The following PCK2 variants were observed in gnomAD, a reference collection of about 807,000 sequenced individuals.
PCK2 encodes phosphoenolpyruvate carboxykinase [GTP], mitochondrial.
Under a neutral mutation model 65.9 loss-of-function variants are expected in PCK2, and 56 were observed. The ratio of observed to expected loss-of-function variants is 0.85; its 90% confidence interval spans 0.69 to 1.06. The LOEUF (loss-of-function observed/expected upper bound fraction) is 1.06. PCK2 is among the 50% of genes least tolerant of loss of function. The pLI, the probability that PCK2 is intolerant of heterozygous loss-of-function variation, is 0.00. For missense variants in PCK2, 843 were observed against 863.1 expected (o/e 0.98, Z 0.29); for synonymous variants, 305 against 319.6 (o/e 0.95, Z 0.49).
Position 24,102,797 on chromosome 14 carries a change from C to T in PCK2, c.1279C>T (p.Pro427Ser). Reference protein sequence around the residue: ...CAHPNSRFCAPARQCPIMDPA... With the variant: ...CAHPNSRFCASARQCPIMDPA... ...ACATCCCAACTCTCGATTTTGTGCC[C>T]CGGCTCGCCAGTGCCCCATCATGGA... The change falls in exon 8 of 10, where the codon CCG becomes TCG. Residue 427 changes from proline (P) to serine (S), a missense_variant. By Grantham distance (74) the Pro-to-Ser change is moderately conservative. Transcript: ENST00000216780. The T allele has an allele frequency of 6.2e-7, 1 of 1,613,856 alleles. No individual in the cohort carries two copies. Among genetic ancestry groups the T allele is most frequent in the African/African-American group, 1.3e-5 (1 of 75,032 alleles).
In PCK2 at chr14:24,094,595, G is replaced by A. The variant is rs2036772096; in HGVS notation, c.29+161G>A. 7.6e-6 allele frequency: 11 copies of A among 1,451,898 alleles called. No homozygotes were observed. The South Asian group carries it at 1.3e-4, about 17-fold the overall frequency. The allele number at this position is 1,451,898 out of a possible 1,614,324, so 89.9% of individuals were successfully genotyped here. A position where few individuals can be genotyped will look rare whatever the true frequency, so the allele number is the denominator to read the frequency against. On this transcript the variant is annotated intron_variant, in intron 1 of 9. Transcript: ENST00000216780. The surrounding 1 kb of genome is among the most constrained non-coding windows in gnomAD (Gnocchi z 4.1). ...GTGGGTCCAGCCTCCCGCGCCGCGCGTCTCTTGGGAGGGCAGCCGGCCGGT... is the reference window on the plus strand; with the variant it reads ...GTGGGTCCAGCCTCCCGCGCCGCGCATCTCTTGGGAGGGCAGCCGGCCGGT...
At chr14:24,096,585 G>A (rs1182970646) in intron 1 of PCK2, among the ~76,000 whole-genome samples, 1 of 151,996 alleles carries the variant, frequency 6.6e-6, no homozygotes, top group East Asian at 1.9e-4. Context: ...CATGGGCATG[G>A]GCTACACAGG....
chr14:24,097,940 T>C (rs1012615501), intron 2 of PCK2, among the ~76,000 whole-genome samples: 1 of 152,054 alleles, frequency 6.6e-6, no homozygotes. Flanking sequence ...AAGAAGCTGA[T>C]ATAAATAAGA....
In PCK2 at chr14:24,102,842, G is replaced by A. The variant is rs762854352; in HGVS notation, c.1324G>A (p.Glu442Lys). ...CATGGACCCAGCCTGGGAGGCCCCA[G>A]AGGGTGTCCCCATTGACGCCATCAT... ...PIMDPAWEAPEGVPIDAIIFG... is the reference protein window; with the variant it reads ...PIMDPAWEAPKGVPIDAIIFG... Residue 442 changes from glutamate (E) to lysine (K), a missense_variant, in exon 8 of 10, where the codon GAG becomes AAG. By Grantham distance (56) the Glu-to-Lys change is moderately conservative (BLOSUM62 1). Transcript: ENST00000216780. 1 of 1,613,986 alleles carries A rather than the reference G, an allele frequency of 6.2e-7. No individual in the cohort carries two copies. Among genetic ancestry groups the A allele is most frequent in the South Asian group, 1.1e-5 (1 of 91,072 alleles).
At chr14:24,096,745 C>T (rs1221930868) in intron 1 of PCK2, 147 bp from the exon 2 acceptor site, 1 of 714,716 alleles carries the variant, frequency 1.4e-6, no homozygotes, top group Admixed American at 2.1e-5. Flanking sequence ...TGAACACATC[C>T]CACACACCAA....
intron 7 of PCK2, 60 bp downstream of exon 7, chr14:24,100,273 A>G: frequency 1.3e-6 from 2 of 1,590,944 alleles, no homozygotes; most frequent in African/African-American, 1.4e-5. Context: ...AATGGTGGAA[A>G]AGCTTTCTCC....
chr14:24,102,637 G>A, intron 7 of PCK2, 116 bp from the exon 8 acceptor site: 2 of 829,276 alleles, frequency 2.4e-6, no homozygotes, highest in South Asian at 3.4e-5. Flanking sequence ...CAAGGTTCTA[G>A]GCAGCTGATG....
chr14:24,094,876 GCC>G lies in PCK2; in HGVS notation c.29+446_29+447del. 2 of 1,281,984 alleles carry G rather than the reference GCC, an allele frequency of 1.6e-6. No individual in the cohort carries two copies. Among genetic ancestry groups the G allele is most frequent in the Non-Finnish European group, 2.0e-6 (2 of 979,674 alleles). 79.4% of individuals were successfully genotyped at this position (1,281,984 alleles called of 1,614,324 possible). A position where few individuals can be genotyped will look rare whatever the true frequency, so the allele number is the denominator to read the frequency against. On this transcript the variant is annotated intron_variant, in intron 1 of 9. Transcript: ENST00000216780. The surrounding 1 kb of genome is among the most constrained non-coding windows in gnomAD (Gnocchi z 4.1). ...TGAGCCCCGGGAGACTAAGCTCAGA[GCC>G]CCCTAAAGAAGGTGGAAGGTTAAAT...
intron 1 of PCK2, among the ~76,000 whole-genome samples, 179 bp from the exon 2 acceptor site, chr14:24,096,713 A>G (rs2036900876): frequency 6.6e-6 from 1 of 152,120 alleles, no homozygotes; most frequent in African/African-American, 2.4e-5. Flanking sequence ...AGCCTCATAA[A>G]GGCTACAAGA....
At position 24,098,500 on chromosome 14, in the gene PCK2, C is replaced by T. The variant is rs1301906339; in HGVS notation, c.486C>T (p.Phe162=). ...MQGRTMYVLP[F]SMGPVGSPLS... is the part of the protein sequence containing the mutation. ...GCCGCACCATGTATGTGCTTCCATTCAGCATGGGTCCTGTGGGCTCCCCGC... is the reference window on the plus strand; with the variant it reads ...GCCGCACCATGTATGTGCTTCCATTTAGCATGGGTCCTGTGGGCTCCCCGC... The change falls in exon 4 of 10, where the codon TTC becomes TTT. Residue 162 remains phenylalanine (F), a synonymous_variant. Coordinates refer to ENST00000216780, the MANE Select transcript of PCK2 (RefSeq NM_004563.4). 2.5e-6 allele frequency: 4 copies of T among 1,614,138 alleles called. No individual in the cohort carries two copies. In the South Asian group the frequency reaches 3.3e-5, roughly 13 times the overall value.
intron 7 of PCK2, 66 bp from the exon 8 acceptor site, chr14:24,102,687 C>T (rs901053875): frequency 2.2e-6 from 3 of 1,363,740 alleles, no homozygotes; most frequent in Non-Finnish European, 1.0e-6. Flanking sequence ...AATGTGTGCC[C>T]ATGTATGTGT....
Position 24,098,689 on chromosome 14 carries a change from G to A in PCK2, c.664+11G>A. ...CCCTGACAGGACAAGGTAAGCACCT[G>A]CTCTGCCCCAAGGGGAACACAGAGG... On this transcript the variant is annotated intron_variant, in intron 4 of 9. Coordinates refer to ENST00000216780, the MANE Select transcript of PCK2 (RefSeq NM_004563.4). The A allele has an allele frequency of 6.2e-7, 1 of 1,610,820 alleles. No individual in the cohort carries two copies.
Position 24,099,727 on chromosome 14 carries a change from GACTCTCAGATCAT to G in PCK2, c.1015+13_1015+25del. 6.2e-7 allele frequency: 1 copy of G among 1,610,554 alleles called. No homozygotes were observed. Among genetic ancestry groups the G allele is most frequent in the Non-Finnish European group, 8.5e-7 (1 of 1,176,782 alleles). On this transcript the variant is annotated splice_region_variant and intron_variant, in intron 6 of 9. Transcript: ENST00000216780. ...ATGAGGTTTGACAGTGAAGGTGAGG[GACTCTCAGATCAT>G]ACTCTTGGTTCTGGCTCTTGTCAGA...
rs373177664 is a variant in PCK2, at chr14:24,098,608, G to T, written c.594G>T (p.Val198=). The change falls in exon 4 of 10, where the codon GTG becomes GTT. Residue 198 remains valine, a synonymous_variant. Transcript: ENST00000216780. ...MRIMTRLGTP[V]LQALGDGDFV... ...TTATGACCCGACTGGGGACACCTGT[G>T]CTTCAGGCCCTGGGAGATGGTGACT... is the stretch of plus-strand genomic sequence containing the variant. 44 of 1,614,050 alleles carry T rather than the reference G, an allele frequency of 2.7e-5. 1 individual carries two copies. The African/African-American group carries it at 3.2e-4, about 12-fold the overall frequency.
In PCK2 at chr14:24,099,246, T is replaced by C; in HGVS notation, c.852+10T>C. 1 of 1,584,766 alleles carries C rather than the reference T, an allele frequency of 6.3e-7. No individual in the cohort carries two copies. The highest frequency in any genetic ancestry group is 8.6e-7 in the Non-Finnish European group (1 of 1,167,076). On this transcript the variant is annotated intron_variant, in intron 5 of 9. Transcript: ENST00000216780. ...GGCAGAGCACATGCTGGTGAGGGCC[T>C]GGTGAGAAGCAGGGCAGCTGCCGGG...
chr14:24,099,975 T>C lies in PCK2; in HGVS notation c.1016-20T>C, dbSNP rs1354223610. 13 of 1,614,186 alleles carry C rather than the reference T, an allele frequency of 8.1e-6. No individual in the cohort carries two copies. In the South Asian group the frequency reaches 1.4e-4, roughly 18 times the overall value. ...AGTTTTCCTTGTTTGGTCCTTCCTT[T>C]CTTTCACTTCTCCTAACAGGTCGAC... On this transcript the variant is annotated intron_variant, in intron 6 of 9. Transcript: ENST00000216780.
chr14:24,103,556 C>T lies in PCK2; in HGVS notation c.1515C>T (p.Gly505=), dbSNP rs1462623725. The part of the protein sequence containing the change: ...HDPFAMRPFF[G]YNFGHYLEHW... ...CATTTGCCATGCGGCCCTTTTTTGG[C>T]TACAACTTCGGGCACTACCTGGAAC... Residue 505 remains glycine (G), a synonymous_variant, in exon 10 of 10, where the codon GGC becomes GGT. Coordinates refer to ENST00000216780, the MANE Select transcript of PCK2 (RefSeq NM_004563.4). 6.4e-7 allele frequency: 1 copy of T among 1,568,924 alleles called. No homozygotes were observed.
rs1198503837 is a variant in PCK2, at chr14:24,094,379, C to T, written c.-27C>T. On this transcript the variant is annotated 5_prime_UTR_variant, in exon 1 of 10. Transcript: ENST00000216780. The surrounding 1 kb of genome is among the most constrained non-coding windows in gnomAD (Gnocchi z 4.1). ...CTCCCCGGCTCCGCTCGGTTCCTGGCCACCCCGCAGCCCCTGCCCAGGTGC... is the reference window on the plus strand; with the variant it reads ...CTCCCCGGCTCCGCTCGGTTCCTGGTCACCCCGCAGCCCCTGCCCAGGTGC... The T allele has an allele frequency of 1.3e-6, 2 of 1,544,826 alleles. No homozygotes were observed. Among genetic ancestry groups the T allele is most frequent in the South Asian group, 1.2e-5 (1 of 84,510 alleles).
intron 2 of PCK2, 70 bp from the exon 3 acceptor site, chr14:24,098,133 T>C: frequency 7.2e-7 from 1 of 1,380,536 alleles, no homozygotes; most frequent in East Asian, 2.4e-5. Context: ...AAGTTGGACT[T>C]GAAAAAGTGG....
Sources: gnomAD v4.1 joint callset for allele counts (sites outside exome capture counted in the v4.1 genomes callset) on GRCh38, gnomAD v4.1.1 for gene constraint, Gnocchi (gnomAD v3.1) non-coding constraint, MANE v1.5 for transcripts, NCBI Gene and HGNC (gene_info 2026-07-23, HGNC 2026-07-21) for gene names.